Variants in DAB1 observed in about 807,000 individuals in gnomAD.
The protein encoded by DAB1 is DAB adaptor protein 1.
DAB1 carries 15 observed loss-of-function variants against 64.6 expected under a neutral mutation model. The ratio of observed to expected loss-of-function variants is 0.23; its 90% CI spans 0.16 to 0.36. The LOEUF (loss-of-function observed/expected upper bound fraction) is 0.36. DAB1 is among the 10% of genes least tolerant of loss of function. The pLI is 1.00. For synonymous variants in DAB1, 235 were observed against 251.9 expected, an observed-to-expected ratio of 0.93 and a Z score of 0.64; for missense variants, 596 against 706.7, an observed-to-expected ratio of 0.84 and a Z score of 1.78.
chr1:57,326,336 G>C (rs1676154841), intron 1 of DAB1, among the ~76,000 whole-genome samples: 2 of 152,196 alleles, frequency 1.3e-5, no homozygotes, highest in South Asian at 4.1e-4. Context: ...GGAAGCAAAA[G>C]AGGGCAAACC....
intron 7 of DAB1, among the ~76,000 whole-genome samples, chr1:57,465,330 G>A (rs1171244213): frequency 1.3e-5 from 2 of 152,098 alleles, no homozygotes; most frequent in African/African-American, 4.8e-5. Flanking sequence ...AATGTAGTTT[G>A]GTCATCTGTG....
intron 2 of DAB1, among the ~76,000 whole-genome samples, chr1:57,253,082 T>C (rs1036640904): frequency 6.6e-6 from 1 of 152,220 alleles, no homozygotes; most frequent in Non-Finnish European, 1.5e-5. Flanking sequence ...GTGAGTCATC[T>C]GATCCTTGAG....
chr1:57,959,483 C>G (rs1222283108), intron 5 of DAB1, among the ~76,000 whole-genome samples: 1 of 152,228 alleles, frequency 6.6e-6, no homozygotes, highest in Non-Finnish European at 1.5e-5. Flanking sequence ...CAGTAACCCA[C>G]TTTGATGGAT....
intron 4 of DAB1, among the ~76,000 whole-genome samples, chr1:58,198,512 A>T (rs1657815275): frequency 6.6e-6 from 1 of 152,358 alleles, no homozygotes; most frequent in Middle Eastern, 3.4e-3. Context: ...CTCACAAAAA[A>T]GGTCATTACA....
intron 4 of DAB1, among the ~76,000 whole-genome samples, chr1:58,309,937 G>T (rs1662390927): frequency 6.6e-6 from 1 of 152,122 alleles, no homozygotes; most frequent in South Asian, 2.1e-4. Flanking sequence ...GCAGACAGCT[G>T]GAGGAATTTG....
intron 1 of DAB1, among the ~76,000 whole-genome samples, chr1:57,359,613 A>C (rs1383109824): frequency 6.6e-6 from 1 of 152,068 alleles, no homozygotes; most frequent in South Asian, 2.1e-4. Context: ...AAATGAAATC[A>C]GTATGTTGAA....
intron 6 of DAB1, among the ~76,000 whole-genome samples, chr1:57,799,342 G>T (rs1651016686): frequency 1.3e-5 from 2 of 152,198 alleles, no homozygotes; most frequent in South Asian, 4.1e-4. Context: ...GCCTTCGGTG[G>T]CTTCCACTTC....
At chr1:57,624,514 G>A (rs971744460) in intron 7 of DAB1, among the ~76,000 whole-genome samples, 1 of 152,188 alleles carries the variant, frequency 6.6e-6, no homozygotes, top group Non-Finnish European at 1.5e-5. Context: ...AACTTGAAAT[G>A]AGAACTCACT....
intron 11 of DAB1, among the ~76,000 whole-genome samples, chr1:57,016,048 TTCTA>T (rs1041635487): frequency 6.6e-6 from 1 of 152,174 alleles, no homozygotes; most frequent in African/African-American, 2.4e-5. Flanking sequence ...TATAAACACC[TTCTA>T]TCTCACTGGG....
chr1:58,522,710 A>T (rs1646284054), intron 2 of DAB1, among the ~76,000 whole-genome samples: 1 of 152,244 alleles, frequency 6.6e-6, no homozygotes. Context: ...CCAGTAACAC[A>T]GTAAATTAAC....
intron 7 of DAB1, among the ~76,000 whole-genome samples, chr1:57,600,034 C>A (rs192931838): frequency 9.9e-5 from 15 of 152,276 alleles, no homozygotes; most frequent in Admixed American, 7.8e-4. Context: ...CAGATCAGGT[C>A]TCACATTTGA....
chr1:57,275,102 G>A (rs1328722217), intron 2 of DAB1, among the ~76,000 whole-genome samples: 1 of 152,136 alleles, frequency 6.6e-6, no homozygotes, highest in Admixed American at 6.5e-5. Context: ...TGATGGATAT[G>A]TGTGCTGTGC....
chr1:58,135,301 A>T (rs114956455), intron 5 of DAB1, among the ~76,000 whole-genome samples: 1,640 of 152,224 alleles, frequency 0.011, 15 homozygotes, highest in Middle Eastern at 0.017. Context: ...ACAGAGATTA[A>T]TGGATAAAGG....
At chr1:57,843,298 C>A (rs1303604140) in intron 1 of DAB1, among the ~76,000 whole-genome samples, 2 of 152,180 alleles carry the variant, frequency 1.3e-5, no homozygotes, top group Non-Finnish European at 2.9e-5. Context: ...TCTTTGAAGG[C>A]AAACATAACA....
intron 7 of DAB1, among the ~76,000 whole-genome samples, chr1:57,473,183 A>G (rs1687202478): frequency 6.6e-6 from 1 of 152,210 alleles, no homozygotes; most frequent in African/African-American, 2.4e-5. Flanking sequence ...AATCTACTGA[A>G]AGATAATTCT....
chr1:58,361,725 G>C (rs1363159709), intron 3 of DAB1, among the ~76,000 whole-genome samples: 1 of 152,002 alleles, frequency 6.6e-6, no homozygotes, highest in East Asian at 1.9e-4. Context: ...AACTCCCTGA[G>C]CCTCAGTTGC....
chr1:58,545,271 G>A (rs1232230820), intron 1 of DAB1, among the ~76,000 whole-genome samples: 1 of 152,298 alleles, frequency 6.6e-6, no homozygotes, highest in East Asian at 1.9e-4. Context: ...CATGACTTGT[G>A]TAAAAATTTT....
chr1:58,191,527 C>T (rs1186279088), intron 4 of DAB1, among the ~76,000 whole-genome samples: 2 of 152,288 alleles, frequency 1.3e-5, no homozygotes, highest in Admixed American at 6.5e-5. Context: ...GAGAGGGGAA[C>T]AGGACTGTCC....
chr1:58,278,054 A>G (rs1290712936), intron 4 of DAB1, among the ~76,000 whole-genome samples: 1 of 152,192 alleles, frequency 6.6e-6, no homozygotes. Context: ...CATATTTGAA[A>G]GCTGATATGG....
Sources: gnomAD v4.1 joint callset for allele counts (sites outside exome capture counted in the v4.1 genomes callset) on GRCh38, gnomAD v4.1.1 for gene constraint, MANE v1.5 for transcripts, NCBI Gene and HGNC (gene_info 2026-07-23, HGNC 2026-07-21) for gene names.